Variants in EPHA7 observed in about 807,000 individuals in gnomAD.
EPHA7 encodes ephrin type-A receptor 7.
EPHA7 carries 25 observed loss-of-function variants against 112.6 expected under a neutral mutation model. That is an observed-to-expected ratio of 0.22 (90% CI 0.16 to 0.31). The LOEUF (loss-of-function observed/expected upper bound fraction) is 0.31, where lower values mean the gene tolerates loss of function less well. Among genes scored for constraint, EPHA7 ranks in the 10% least tolerant of loss-of-function variants. The pLI is 1.00. For missense variants in EPHA7, 962 were observed against 1,212.6 expected, an observed-to-expected ratio of 0.79 and a Z score of 3.07; for synonymous variants, 437 against 406.5, an observed-to-expected ratio of 1.07 and a Z score of -0.90.
chr6:93,253,997 A>T (rs1168797180), intron 14 of EPHA7, among the ~76,000 whole-genome samples: 6 of 151,920 alleles, frequency 3.9e-5, no homozygotes, highest in Admixed American at 3.9e-4. Context: ...GCTCACATGG[A>T]CTACCATCAG....
chr6:93,334,525 A>T (rs1284981082), intron 5 of EPHA7, among the ~76,000 whole-genome samples: 1 of 152,104 alleles, frequency 6.6e-6, no homozygotes. Context: ...ATCTATTAGG[A>T]ACTTAAACTA....
chr6:93,364,535 CAAAA>C (rs35503890), intron 3 of EPHA7, among the ~76,000 whole-genome samples: 1 of 90,366 alleles, frequency 1.1e-5, no homozygotes, highest in Non-Finnish European at 2.3e-5. Context: ...AACTCCGTCT[CAAAA>C]AAAAAAAAAA....
In EPHA7 at chr6:93,312,418, G is replaced by C. The variant is rs150814802; in HGVS notation, c.1325-39996C>G. Among the ~76,000 whole-genome samples, 763 of 148,426 alleles carry C rather than the reference G, an allele frequency of 5.1e-3. 12 individuals carry two copies. Among genetic ancestry groups the C allele is most frequent in the African/African-American group, 0.018 (736 of 40,108 alleles). On this transcript the variant is annotated intron_variant, in intron 5 of 16. Coordinates refer to ENST00000369303, the MANE Select transcript of EPHA7 (RefSeq NM_004440.4). The stretch of plus-strand genomic sequence containing the variant: ...ATGGAGATGGCTCCTTTTTTTTTAA[G>C]TCTCACGAACCTACCCTTGCTAGCA...
In EPHA7 at chr6:93,254,752, C is replaced by T; in HGVS notation, c.2427G>A (p.Gln809=). The T allele has an allele frequency of 6.2e-7, 1 of 1,613,212 alleles. No individual in the cohort carries two copies. The highest frequency in any genetic ancestry group is 8.5e-7 in the Non-Finnish European group (1 of 1,179,442). The change falls in exon 14 of 17, where the codon CAG becomes CAA. Residue 809 remains glutamine (Q), a synonymous_variant. Transcript: ENST00000369303. ...CACTGGCTGATGTGAATTTCCGGTA[C>T]TGGATGGCTTCGGGTGCTGTCCACC... ...PVRWTAPEAI[Q]YRKFTSASDV...
chr6:93,257,450 T>G lies in EPHA7; in HGVS notation c.2172+12A>C. On this transcript the variant is annotated intron_variant, in intron 12 of 16. Coordinates refer to ENST00000369303, the MANE Select transcript of EPHA7 (RefSeq NM_004440.4). ...AGTATATTTAGAATAAGTGGATCAC[T>G]TTGGTACTTACCCTGAGAAATGCAT... 1 of 1,598,938 alleles carries G rather than the reference T, an allele frequency of 6.3e-7. No individual in the cohort carries two copies.
At chr6:93,362,961 C>A (rs76550444) in intron 3 of EPHA7, among the ~76,000 whole-genome samples, 6 of 152,168 alleles carry the variant, frequency 3.9e-5, no homozygotes, top group African/African-American at 1.4e-4. Flanking sequence ...AGTTCTTTTA[C>A]AGCCAAAAAA....
intron 5 of EPHA7, among the ~76,000 whole-genome samples, chr6:93,311,249 C>T (rs1773526915): frequency 6.6e-6 from 1 of 151,096 alleles, no homozygotes; most frequent in South Asian, 2.1e-4. Flanking sequence ...AGGCATGAGC[C>T]TGGCCTGTGA....
At chr6:93,411,269 T>G in intron 2 of EPHA7, 99 bp from the exon 3 acceptor site, 1 of 960,910 alleles carries the variant, frequency 1.0e-6, no homozygotes, top group Non-Finnish European at 1.6e-6. Context: ...TCGAAAAAGT[T>G]AGGTTGATTC....
In EPHA7 at chr6:93,255,802, A is replaced by T. The variant is rs375821938; in HGVS notation, c.2382+26T>A. The T allele has an allele frequency of 2.3e-5, 36 of 1,574,730 alleles. No homozygotes were observed. The African/African-American group carries it at 4.6e-4, about 20-fold the overall frequency. ...GTAGAAAAATCTTAAGAATATGAAG[A>T]AGTGCAGTAAATGACTTTTTCTTAC... On this transcript the variant is annotated intron_variant, in intron 13 of 16. Coordinates refer to ENST00000369303, the MANE Select transcript of EPHA7 (RefSeq NM_004440.4).
intron 5 of EPHA7, among the ~76,000 whole-genome samples, chr6:93,326,191 CCTATAGT>C (rs1197045053): frequency 6.6e-6 from 1 of 151,262 alleles, no homozygotes; most frequent in Non-Finnish European, 1.5e-5. Flanking sequence ...TCTGTCTCTC[CCTATAGT>C]CTAAGTTCCA....
chr6:93,341,355 A>G (rs1390071820), intron 5 of EPHA7, among the ~76,000 whole-genome samples: 1 of 151,810 alleles, frequency 6.6e-6, no homozygotes, highest in Non-Finnish European at 1.5e-5. Flanking sequence ...AGACTACAAC[A>G]GAAGGCAAAT....
chr6:93,404,068 T>A (rs1254460945), intron 3 of EPHA7, among the ~76,000 whole-genome samples: 3 of 151,988 alleles, frequency 2.0e-5, no homozygotes, highest in African/African-American at 7.2e-5. Context: ...AAAATGTGAC[T>A]GAAAGTTAGA....
chr6:93,310,524 G>A (rs1033232420), intron 5 of EPHA7, among the ~76,000 whole-genome samples: 1 of 152,064 alleles, frequency 6.6e-6, no homozygotes, highest in African/African-American at 2.4e-5. Context: ...AGTTAGCCGG[G>A]CGTGGTGGCG....
At chr6:93,257,312 A>G in intron 12 of EPHA7, 150 bp downstream of exon 12, 1 of 575,786 alleles carries the variant, frequency 1.7e-6, no homozygotes, top group Non-Finnish European at 3.0e-6. Flanking sequence ...CTAGTCTTGA[A>G]CTCTGATTAT....
chr6:93,294,679 A>G (rs760589878), intron 5 of EPHA7, among the ~76,000 whole-genome samples: 14 of 152,104 alleles, frequency 9.2e-5, no homozygotes, highest in Non-Finnish European at 1.6e-4. Flanking sequence ...TGTATTAATT[A>G]TAACATGCCA....
intron 5 of EPHA7, among the ~76,000 whole-genome samples, chr6:93,324,493 C>T (rs890814335): frequency 1.3e-5 from 2 of 151,164 alleles, no homozygotes; most frequent in East Asian, 3.9e-4. Context: ...GCAGGATTGG[C>T]CTTGAGGCAA....
chr6:93,338,840 A>G (rs907175313), intron 5 of EPHA7, among the ~76,000 whole-genome samples: 2 of 151,198 alleles, frequency 1.3e-5, no homozygotes, highest in African/African-American at 4.8e-5. Context: ...CTGTAGTCTG[A>G]TAGAGAAGAA....
chr6:93,314,030 C>T (rs1773668599), intron 5 of EPHA7, among the ~76,000 whole-genome samples: 1 of 151,968 alleles, frequency 6.6e-6, no homozygotes, highest in Non-Finnish European at 1.5e-5. Flanking sequence ...TTCTCGTTTT[C>T]AATTCTTCTA....
chr6:93,371,768 GTACAT>G (rs997677733), intron 3 of EPHA7, among the ~76,000 whole-genome samples: 2 of 152,066 alleles, frequency 1.3e-5, no homozygotes, highest in Non-Finnish European at 2.9e-5. Flanking sequence ...AGAGCTGATG[GTACAT>G]TACATCTTCC....
Sources: allele counts gnomAD v4.1 joint callset (sites outside exome capture counted in the v4.1 genomes callset), GRCh38; gene constraint gnomAD v4.1.1; transcripts MANE v1.5; gene names NCBI Gene and HGNC (gene_info 2026-07-23, HGNC 2026-07-21).